The following IMMP2L variants were observed in gnomAD, a reference collection of about 807,000 sequenced individuals.
The protein encoded by IMMP2L is inner mitochondrial membrane peptidase subunit 2.
In IMMP2L, 18 loss-of-function variants were observed where a neutral mutation model predicts 19.3. That is an observed-to-expected ratio of 0.93 (90% CI 0.64 to 1.38). IMMP2L has a LOEUF of 1.38. Ranked by LOEUF, IMMP2L falls within the 40% of genes most tolerant of loss-of-function variation. The pLI is 0.00. For synonymous variants in IMMP2L, 76 were observed against 73.0 expected, an observed-to-expected ratio of 1.04 and a Z score of -0.21; for missense variants, 233 against 218.2, an observed-to-expected ratio of 1.07 and a Z score of -0.43.
At chr7:110,738,812 G>C (rs1399610059) in intron 5 of IMMP2L, among the ~76,000 whole-genome samples, 1 of 152,216 alleles carries the variant, frequency 6.6e-6, no homozygotes, top group Non-Finnish European at 1.5e-5. Flanking sequence ...AGATCTGTGA[G>C]CCAAAAGCAT....
intron 3 of IMMP2L, chr7:111,411,473 G>A (rs1450902124): frequency 2.1e-6 from 1 of 485,582 alleles, no homozygotes; most frequent in South Asian, 1.5e-5. Context: ...CGAAGTCACG[G>A]GCAAGCACGG....
At chr7:111,111,299 TA>T (rs751990466) in intron 3 of IMMP2L, among the ~76,000 whole-genome samples, 2,295 of 92,238 alleles carry the variant, frequency 0.025, 35 homozygotes, top group African/African-American at 0.068. Flanking sequence ...GTAGCAGTTG[TA>T]AAAAAAAAAA....
At chr7:110,997,911 C>T (rs532852593) in intron 3 of IMMP2L, among the ~76,000 whole-genome samples, 1 of 151,970 alleles carries the variant, frequency 6.6e-6, no homozygotes, top group Non-Finnish European at 1.5e-5. Flanking sequence ...CTTCTAATAC[C>T]GGATGGTGTG....
At chr7:110,683,756 A>G (rs1792906981) in intron 5 of IMMP2L, among the ~76,000 whole-genome samples, 2 of 152,136 alleles carry the variant, frequency 1.3e-5, no homozygotes, top group South Asian at 4.1e-4. Flanking sequence ...TATAGACTTC[A>G]TTGTTGTTAC....
chr7:111,318,467 A>T (rs1177470036), intron 3 of IMMP2L, among the ~76,000 whole-genome samples: 1 of 152,164 alleles, frequency 6.6e-6, no homozygotes, highest in Non-Finnish European at 1.5e-5. Context: ...CCCCAGGAAA[A>T]GATTTTACCA....
intron 3 of IMMP2L, among the ~76,000 whole-genome samples, chr7:111,032,084 G>A (rs1790887341): frequency 6.6e-6 from 1 of 152,000 alleles, no homozygotes; most frequent in African/African-American, 2.4e-5. Flanking sequence ...AACGACAAGT[G>A]GGCATGACCA....
chr7:111,029,203 T>C (rs1827156703), intron 3 of IMMP2L, among the ~76,000 whole-genome samples: 1 of 152,126 alleles, frequency 6.6e-6, no homozygotes, highest in Admixed American at 6.6e-5. Flanking sequence ...CTGCATAACC[T>C]AGGTACAACA....
In IMMP2L at chr7:111,057,538, T is replaced by A. The variant is rs59902560; in HGVS notation, c.240-93973A>T. On this transcript the variant is annotated intron_variant, in intron 3 of 5. Coordinates refer to ENST00000405709, the MANE Select transcript of IMMP2L (RefSeq NM_032549.4). ...CCATGGGCATTTATTGTACAGAAGG[T>A]TTAACAATATTTACCATTCATAGAA... is the stretch of plus-strand genomic sequence containing the variant. Among the ~76,000 whole-genome samples, 3 of 152,044 alleles carry A rather than the reference T, an allele frequency of 2.0e-5. No individual in the cohort carries two copies. The South Asian group carries it at 6.2e-4, about 32-fold the overall frequency.
intron 3 of IMMP2L, among the ~76,000 whole-genome samples, chr7:111,199,356 C>A (rs146036724): frequency 4.6e-5 from 7 of 152,214 alleles, no homozygotes; most frequent in African/African-American, 1.7e-4. Context: ...TGCACCTTCA[C>A]ACACTGTCAG....
chr7:110,913,789 T>C (rs974571349), intron 4 of IMMP2L, among the ~76,000 whole-genome samples: 1 of 152,070 alleles, frequency 6.6e-6, no homozygotes, highest in African/African-American at 2.4e-5. Flanking sequence ...TAAAATTGTT[T>C]AACGTTAGGA....
At chr7:110,805,853 TGGTATAATGCTTGG>T (rs1291435289) in intron 5 of IMMP2L, among the ~76,000 whole-genome samples, 2 of 151,968 alleles carry the variant, frequency 1.3e-5, no homozygotes, top group African/African-American at 4.8e-5. Context: ...CCTAATGACG[TGGTATAATGCTTGG>T]GGTATAATGC....
At chr7:111,492,311 A>C in intron 2 of IMMP2L, 1 of 805,446 alleles carries the variant, frequency 1.2e-6, no homozygotes, top group Non-Finnish European at 1.5e-6. Flanking sequence ...CCAGCCCCCA[A>C]ATATACTTCC....
intron 2 of IMMP2L, among the ~76,000 whole-genome samples, chr7:111,493,859 G>A (rs919147048): frequency 3.3e-5 from 5 of 151,150 alleles, no homozygotes; most frequent in Non-Finnish European, 5.9e-5. Context: ...AATTAGCCGG[G>A]TGTAGTGGTG....
At position 111,281,124 on chromosome 7, in the gene IMMP2L, GAGAAAGAGAGAAAGAC is replaced by G. The variant is rs1478195904; in HGVS notation, c.239+206098_239+206113del. On this transcript the variant is annotated intron_variant, in intron 3 of 5. Transcript: ENST00000405709. ...AGAGAAAGAGAGAAAGAGAGAAAGA[GAGAAAGAGAGAAAGAC>G]AGAAAGACAGAAAGACAGAAAGAAA... is the stretch of plus-strand genomic sequence containing the variant. Among the ~76,000 whole-genome samples, 360 of 71,806 alleles carry G rather than the reference GAGAAAGAGAGAAAGAC, an allele frequency of 5.0e-3. 16 individuals are homozygous for G. The highest frequency in any genetic ancestry group is 0.011 in the African/African-American group (180 of 15,742). The allele number at this position is 71,806 out of a possible 152,430, so 47.1% of individuals were successfully genotyped here. A position where few individuals can be genotyped will look rare whatever the true frequency, so the allele number is the denominator to read the frequency against.
chr7:110,713,353 G>C (rs1312959139), intron 5 of IMMP2L, among the ~76,000 whole-genome samples: 1 of 152,090 alleles, frequency 6.6e-6, no homozygotes, highest in Non-Finnish European at 1.5e-5. Context: ...TGATGCGTCT[G>C]ACTTTGTTCT....
intron 3 of IMMP2L, among the ~76,000 whole-genome samples, chr7:111,082,314 AT>A (rs1334111478): frequency 3.3e-5 from 5 of 152,224 alleles, no homozygotes; most frequent in Non-Finnish European, 7.4e-5. Flanking sequence ...TGCTTTTCTT[AT>A]TTTGATTACG....
At chr7:110,735,965 G>T (rs567460399) in intron 5 of IMMP2L, among the ~76,000 whole-genome samples, 15 of 151,076 alleles carry the variant, frequency 9.9e-5, no homozygotes, top group African/African-American at 3.6e-4. Context: ...GGGCAGAAAA[G>T]TTTCAAAAAA....
At chr7:111,026,894 G>T (rs1044026461) in intron 3 of IMMP2L, among the ~76,000 whole-genome samples, 1 of 151,850 alleles carries the variant, frequency 6.6e-6, no homozygotes, top group Non-Finnish European at 1.5e-5. Context: ...CTTTTTTTCT[G>T]TGTAAGTCAG....
chr7:111,076,741 T>G (rs995229552), intron 3 of IMMP2L, among the ~76,000 whole-genome samples: 3 of 152,166 alleles, frequency 2.0e-5, no homozygotes, highest in African/African-American at 7.2e-5. Context: ...GGTGATATTT[T>G]ACCAGAGATG....
Sources: gnomAD v4.1 joint callset for allele counts (sites outside exome capture counted in the v4.1 genomes callset) on GRCh38, gnomAD v4.1.1 for gene constraint, MANE v1.5 for transcripts, NCBI Gene and HGNC (gene_info 2026-07-23, HGNC 2026-07-21) for gene names.